The following UAP1 variants were observed in gnomAD, a reference collection of about 807,000 sequenced individuals.
UAP1 encodes UDP-N-acetylhexosamine pyrophosphorylase.
Under a neutral mutation model 58.5 loss-of-function variants are expected in UAP1, and 25 were observed. The ratio of observed to expected loss-of-function variants is 0.43; its 90% CI spans 0.31 to 0.60. The LOEUF (loss-of-function observed/expected upper bound fraction) is 0.60. UAP1 is among the 20% of genes least tolerant of loss of function. The pLI is 0.11. For synonymous variants in UAP1, 208 were observed against 213.0 expected, an observed-to-expected ratio of 0.98 and a Z score of 0.21; for missense variants, 575 against 630.0, an observed-to-expected ratio of 0.91 and a Z score of 0.93.
chr1:162,564,654 T>G (rs780822930), intron 1 of UAP1, among the ~76,000 whole-genome samples: 2 of 152,216 alleles, frequency 1.3e-5, no homozygotes, highest in Non-Finnish European at 2.9e-5. Flanking sequence ...TGCTCCTTTC[T>G]CTCATCTCTT....
chr1:162,572,889 C>A (rs1451432494), intron 2 of UAP1, among the ~76,000 whole-genome samples: 1 of 152,086 alleles, frequency 6.6e-6, no homozygotes, highest in Non-Finnish European at 1.5e-5. Flanking sequence ...GTACTATAGT[C>A]CTTTTATAAA....
chr1:162,566,710 T>C (rs1289767298), intron 2 of UAP1, among the ~76,000 whole-genome samples: 1 of 152,052 alleles, frequency 6.6e-6, no homozygotes, highest in African/African-American at 2.4e-5. Context: ...TACTGCAACC[T>C]CCACCTCCTG....
At chr1:162,584,820 G>A (rs147848152) in intron 5 of UAP1, among the ~76,000 whole-genome samples, 168 of 152,238 alleles carry the variant, frequency 1.1e-3, no homozygotes, top group African/African-American at 3.6e-3. Flanking sequence ...GGTGCATTAA[G>A]TATTTTTTAT....
At chr1:162,597,446 A>G (rs561880027) in intron 9 of UAP1, 2 of 197,128 alleles carry the variant, frequency 1.0e-5, no homozygotes, top group South Asian at 1.3e-4. Context: ...TGGGCTTGGC[A>G]TATAGTATAT....
intron 7 of UAP1, among the ~76,000 whole-genome samples, chr1:162,589,078 T>C (rs1655092786): frequency 7.6e-6 from 1 of 130,926 alleles, no homozygotes; most frequent in Non-Finnish European, 1.6e-5. Context: ...TCCTATAAAG[T>C]TTTTTTCATA....
At chr1:162,587,434 T>A (rs761626216) in intron 5 of UAP1, 41 bp from the exon 6 acceptor site, 5 of 1,528,192 alleles carry the variant, frequency 3.3e-6, no homozygotes, top group Non-Finnish European at 4.4e-6. Context: ...AAGAAACATT[T>A]AATTCAATTT....
intron 8 of UAP1, 66 bp from the exon 9 acceptor site, chr1:162,592,666 A>G (rs943454181): frequency 1.3e-5 from 16 of 1,259,210 alleles, no homozygotes; most frequent in East Asian, 2.5e-5. Context: ...ATATTTTGCA[A>G]CTCCATTTCA....
downstream of UAP1, among the ~76,000 whole-genome samples, chr1:162,600,137 C>T (rs1055973487): frequency 6.6e-6 from 1 of 152,204 alleles, no homozygotes; most frequent in Admixed American, 6.5e-5. Context: ...TTAGGGATGT[C>T]ACTAAACATC....
chr1:162,571,274 G>A (rs544055579), intron 2 of UAP1, among the ~76,000 whole-genome samples: 9 of 151,826 alleles, frequency 5.9e-5, no homozygotes, highest in African/African-American at 1.9e-4. Flanking sequence ...GATTATAGGC[G>A]CCTGCCACCA....
At chr1:162,590,619 A>T (rs757118027) in intron 8 of UAP1, 108 bp downstream of exon 8, 6 of 869,628 alleles carry the variant, frequency 6.9e-6, no homozygotes, top group Non-Finnish European at 1.0e-5. Flanking sequence ...TTAAAAAGCA[A>T]AGTTTTGATG....
intron 2 of UAP1, among the ~76,000 whole-genome samples, chr1:162,573,454 T>TTAC (rs2101754879): frequency 6.6e-6 from 1 of 152,306 alleles, no homozygotes; most frequent in African/African-American, 2.4e-5. Context: ...TAGATTATAG[T>TTAC]TACTATTTTG....
At chr1:162,572,866 G>A (rs1026459613) in intron 2 of UAP1, among the ~76,000 whole-genome samples, 1 of 152,104 alleles carries the variant, frequency 6.6e-6, no homozygotes, top group Non-Finnish European at 1.5e-5. Flanking sequence ...TTATAATATA[G>A]CATTTTATAT....
At chr1:162,584,801 C>G (rs756563774) in intron 5 of UAP1, among the ~76,000 whole-genome samples, 16 of 151,708 alleles carry the variant, frequency 1.1e-4, no homozygotes, top group Non-Finnish European at 2.2e-4. Flanking sequence ...TTTAATAGGC[C>G]CCTGTCTTGG....
intron 9 of UAP1, among the ~76,000 whole-genome samples, chr1:162,594,026 C>T (rs1324828110): frequency 4.6e-5 from 7 of 152,154 alleles, no homozygotes; most frequent in African/African-American, 1.7e-4. Flanking sequence ...CCTATTTTGG[C>T]ACCAGGGACT....
At chr1:162,574,752 C>T (rs1197933835) in intron 2 of UAP1, among the ~76,000 whole-genome samples, 2 of 151,878 alleles carry the variant, frequency 1.3e-5, no homozygotes, top group Non-Finnish European at 2.9e-5. Flanking sequence ...AGACTGTCCA[C>T]TTTTGAATAA....
intron 5 of UAP1, among the ~76,000 whole-genome samples, chr1:162,585,670 G>C (rs1654863810): frequency 6.6e-6 from 1 of 152,062 alleles, no homozygotes; most frequent in Non-Finnish European, 1.5e-5. Context: ...GTTAATAGTT[G>C]CCATAGAAGT....
chr1:162,592,236 C>T (rs1655358194), intron 8 of UAP1, among the ~76,000 whole-genome samples: 1 of 151,956 alleles, frequency 6.6e-6, no homozygotes, highest in Non-Finnish European at 1.5e-5. Context: ...ACTAAATATA[C>T]AAAATTAGCT....
chr1:162,587,932 G>A (rs1302857965), intron 6 of UAP1: 9 of 339,366 alleles, frequency 2.7e-5, no homozygotes, highest in Non-Finnish European at 1.1e-5. Flanking sequence ...CCCCAACTAT[G>A]TGCTAGGTTC....
At chr1:162,579,499 T>C in exon 4 of UAP1, 1 of 1,611,892 alleles carries the variant, frequency 6.2e-7, no homozygotes, top group Non-Finnish European at 8.5e-7. Context: ...TACTTTGGTT[T>C]AAAAAAAGAG....
Sources: gnomAD v4.1 joint callset for allele counts (sites outside exome capture counted in the v4.1 genomes callset) on GRCh38, gnomAD v4.1.1 for gene constraint, MANE v1.5 for transcripts, NCBI Gene and HGNC (gene_info 2026-07-23, HGNC 2026-07-21) for gene names.